Variants in TRIML2 observed in about 807,000 individuals in gnomAD.
TRIML2 encodes probable E3 ubiquitin-protein ligase TRIML2.
TRIML2 carries 28 observed loss-of-function variants against 31.2 expected under a neutral mutation model. The ratio of observed to expected loss-of-function variants is 0.90; its 90% CI spans 0.66 to 1.23. The LOEUF (loss-of-function observed/expected upper bound fraction) is 1.23, where lower values mean the gene tolerates loss of function less well. Among genes scored for constraint, TRIML2 ranks in the 50% most tolerant of loss-of-function variants. The pLI is 0.00. For synonymous variants in TRIML2, 187 were observed against 197.5 expected, an observed-to-expected ratio of 0.95 and a Z score of 0.45; for missense variants, 536 against 528.3, an observed-to-expected ratio of 1.01 and a Z score of -0.14.
At chr4:188,098,780 G>A in intron 5 of TRIML2, 1 of 440,758 alleles carries the variant, frequency 2.3e-6, no homozygotes, top group Non-Finnish European at 4.0e-6. Flanking sequence ...TAACCACATT[G>A]TGTCACATCT....
rs201963561 is a variant in TRIML2, at chr4:188,091,543, A to T, written c.1144T>A (p.Ser382Thr). Reference sequence around the variant, plus strand: ...GACATCTCGGTCACATTGTAGAATGATATCTGCCCGTGTTCGCAGTCAAGG... The same window carrying T: ...GACATCTCGGTCACATTGTAGAATGTTATCTGCCCGTGTTCGCAGTCAAGG... ...VFLDCEHGQI[S>T]FYNVTEMSLI... Residue 382 changes from serine (S) to threonine (T), a missense_variant, in exon 8 of 8, where the codon TCA becomes ACA. Ser to Thr is a moderately conservative substitution (Grantham distance 58). Transcript: ENST00000682553. 11 of 1,614,158 alleles carry T rather than the reference A, an allele frequency of 6.8e-6. No individual in the cohort carries two copies. The highest frequency in any genetic ancestry group is 1.3e-5 in the African/African-American group (1 of 75,044).
At chr4:188,097,397 T>A in intron 5 of TRIML2, 51 bp from the exon 6 acceptor site, 1 of 1,564,182 alleles carries the variant, frequency 6.4e-7, no homozygotes, top group Non-Finnish European at 8.8e-7. Context: ...GAGCTGTTTT[T>A]GCAATCTGTG....
intron 5 of TRIML2, 44 bp downstream of exon 5, chr4:188,098,991 C>G: frequency 6.2e-7 from 1 of 1,610,010 alleles, no homozygotes; most frequent in Non-Finnish European, 8.5e-7. Flanking sequence ...TCTCATTTCT[C>G]AAATACTGGA....
chr4:188,096,306 G>A (rs146805166), intron 7 of TRIML2, among the ~76,000 whole-genome samples: 5,055 of 151,912 alleles, frequency 0.033, 279 homozygotes, highest in African/African-American at 0.11. Flanking sequence ...AGCCCAAGGC[G>A]CGTGGATCAC....
chr4:188,091,866 C>G lies in TRIML2; in HGVS notation c.821G>C (p.Arg274Thr). 6.2e-7 allele frequency: 1 copy of G among 1,614,096 alleles called. No homozygotes were observed. Among genetic ancestry groups the G allele is most frequent in the South Asian group, 1.1e-5 (1 of 91,088 alleles). Reference protein sequence around the residue: ...LSEDLRTMRLRHGQQDGAGNP... With the variant: ...LSEDLRTMRLTHGQQDGAGNP... ...GCCAGCCCCATCCTGCTGCCCATGT[C>G]TCAATCTCATAGTTCTCAGGTCCTC... Residue 274 changes from arginine (R) to threonine (T), a missense_variant, in exon 8 of 8, where the codon AGA (arginine) becomes ACA (threonine). Arg to Thr is a moderately conservative substitution (Grantham distance 71). Coordinates refer to ENST00000682553, the MANE Select transcript of TRIML2 (RefSeq NM_173553.4).
Position 188,091,849 on chromosome 4 carries a change from C to A in TRIML2, c.838G>T (p.Gly280Trp), listed in dbSNP as rs1315488120. ...TMRLRHGQQD[G>W]AGNPERLDFS... ...TCCAATCTTTCTGGGTTGCCAGCCC[C>A]ATCCTGCTGCCCATGTCTCAATCTC... The change falls in exon 8 of 8, where the codon GGG becomes TGG. Residue 280 changes from glycine (G) to tryptophan (W), a missense_variant. By Grantham distance (184) the Gly-to-Trp change is radical. Coordinates refer to ENST00000682553, the MANE Select transcript of TRIML2 (RefSeq NM_173553.4). 21 of 1,614,054 alleles carry A rather than the reference C, an allele frequency of 1.3e-5. No homozygotes were observed. Among genetic ancestry groups the A allele is most frequent in the Non-Finnish European group, 1.7e-5 (20 of 1,180,056 alleles).
At chr4:188,100,445 G>T (rs564881751) in intron 4 of TRIML2, among the ~76,000 whole-genome samples, 1 of 152,168 alleles carries the variant, frequency 6.6e-6, no homozygotes, top group Non-Finnish European at 1.5e-5. Context: ...ATTCTAGGCC[G>T]GGCGCGGTGG....
intron 5 of TRIML2, chr4:188,098,341 C>T (rs1733620924): frequency 2.5e-5 from 10 of 405,620 alleles, no homozygotes; most frequent in South Asian, 1.8e-4. Context: ...TCTCCAGCCT[C>T]ACAAGCTGAA....
At chr4:188,105,019 T>C (rs1431357191) in intron 2 of TRIML2, 87 bp from the exon 3 acceptor site, 9 of 1,401,904 alleles carry the variant, frequency 6.4e-6, no homozygotes, top group Non-Finnish European at 9.0e-6. Context: ...ACTCTGAGTA[T>C]ATATTTTCTT....
At chr4:188,108,605 GCCT>G (rs1411649208) in intron 1 of TRIML2, among the ~76,000 whole-genome samples, 1 of 152,056 alleles carries the variant, frequency 6.6e-6, no homozygotes, top group Non-Finnish European at 1.5e-5. Flanking sequence ...CTGGCCTCCT[GCCT>G]TCTTCTGATC....
Position 188,100,482 on chromosome 4 carries a change from G to A in TRIML2, c.480+574C>T, listed in dbSNP as rs919521694. On this transcript the variant is annotated intron_variant, in intron 4 of 7. Transcript: ENST00000682553. ...TCACGCCTGTAATCCCAGCACTTTGGGAGGCTGAGGCGGGTGGATCATGAG... is the reference window on the plus strand; with the variant it reads ...TCACGCCTGTAATCCCAGCACTTTGAGAGGCTGAGGCGGGTGGATCATGAG... 2.6e-5 allele frequency among the ~76,000 whole-genome samples: 4 copies of A among 152,264 alleles called. No homozygotes were observed. In the East Asian group the frequency reaches 5.8e-4, roughly 22 times the overall value.
Position 188,091,423 on chromosome 4 carries a change from G to C in TRIML2, c.1264C>G (p.Leu422Val), listed in dbSNP as rs139038438. The change falls in exon 8 of 8, where the codon CTC (leucine) becomes GTC (valine). Residue 422 changes from leucine to valine, a missense_variant. Transcript: ENST00000682553. ...IPNGDTSPDSLTILQHGPSCD... is the reference protein window; with the variant it reads ...IPNGDTSPDSVTILQHGPSCD... ...GAAGGACCATGTTGTAAGATGGTGA[G>C]GGAGTCTGGACTTGTGTCTCCATTT... The C allele has an allele frequency of 2.2e-4, 358 of 1,614,190 alleles. 1 individual carries two copies. The African/African-American group carries it at 4.3e-3, about 19-fold the overall frequency.
intron 3 of TRIML2, among the ~76,000 whole-genome samples, chr4:188,102,386 G>A (rs1031491591): frequency 1.3e-5 from 2 of 152,082 alleles, no homozygotes; most frequent in Non-Finnish European, 2.9e-5. Flanking sequence ...GAAGTGAGGA[G>A]TGTGCGTTAG....
rs201627464 is a variant in TRIML2 at position 188,097,300 on chromosome 4, A to G, written c.644+24T>C. ...CTTACTGGACTCTGATTCTCACCCA[A>G]TTGTATCCAAAATGAAAACTCACCT... On this transcript the variant is annotated intron_variant, in intron 6 of 7. Transcript: ENST00000682553. The G allele has an allele frequency of 2.5e-3, 4,004 of 1,613,238 alleles. 11 individuals are homozygous for G. The highest frequency in any genetic ancestry group is 2.8e-3 in the Non-Finnish European group (3,326 of 1,179,362).
At chr4:188,095,948 T>A (rs1375782864) in intron 7 of TRIML2, among the ~76,000 whole-genome samples, 1 of 152,210 alleles carries the variant, frequency 6.6e-6, no homozygotes, top group Non-Finnish European at 1.5e-5. Context: ...GGCCACACAC[T>A]GTAGGATTCC....
In TRIML2 at chr4:188,105,417, G is replaced by C; in HGVS notation, c.-49C>G. On this transcript the variant is annotated 5_prime_UTR_variant, in exon 2 of 8. Transcript: ENST00000682553. ...GACTGGACTGTATGCTTCTACTGAG[G>C]TATCTCCCTGCACTGTGAATGAGAA... 7.1e-7 allele frequency: 1 copy of C among 1,413,708 alleles called. No individual in the cohort carries two copies. The highest frequency in any genetic ancestry group is 9.5e-7 in the Non-Finnish European group (1 of 1,047,306). The allele number at this position is 1,413,708 out of a possible 1,614,324, so 87.6% of individuals were successfully genotyped here. A position where few individuals can be genotyped will look rare whatever the true frequency, so the allele number is the denominator to read the frequency against.
chr4:188,106,302 C>T (rs1418280389), intron 1 of TRIML2, among the ~76,000 whole-genome samples: 2 of 152,180 alleles, frequency 1.3e-5, no homozygotes, highest in Admixed American at 1.3e-4. Context: ...CCACCCGCCT[C>T]GGCCTCCCAA....
chr4:188,092,889 A>G (rs1733329657), intron 7 of TRIML2: 6 of 456,572 alleles, frequency 1.3e-5, no homozygotes, highest in South Asian at 7.7e-5. Flanking sequence ...GCCTCTAACT[A>G]TTGTGATCTT....
intron 3 of TRIML2, among the ~76,000 whole-genome samples, chr4:188,103,309 T>C (rs753592003): frequency 1.3e-5 from 2 of 152,190 alleles, no homozygotes; most frequent in African/African-American, 4.8e-5. Context: ...CTGCTTTTAC[T>C]ATCTTAATGT....
Sources: allele counts gnomAD v4.1 joint callset (sites outside exome capture counted in the v4.1 genomes callset), GRCh38; gene constraint gnomAD v4.1.1; transcripts MANE v1.5; gene names NCBI Gene and HGNC (gene_info 2026-07-23, HGNC 2026-07-21).